The following RSBN1L variants were observed in gnomAD, a reference collection of about 807,000 sequenced individuals.
RSBN1L encodes the protein lysine-specific demethylase RSBN1L.
Under a neutral mutation model 67.7 loss-of-function variants are expected in RSBN1L, and 30 were observed. The observed-to-expected ratio is 0.44, with a 90% CI of 0.33 to 0.60. The LOEUF (loss-of-function observed/expected upper bound fraction) is 0.60, where lower values mean the gene tolerates loss of function less well. Among genes scored for constraint, RSBN1L ranks in the 20% least tolerant of loss-of-function variants. RSBN1L has a pLI of 0.02. For synonymous variants in RSBN1L, 433 were observed against 387.0 expected, an observed-to-expected ratio of 1.12 and a Z score of -1.39; for missense variants, 992 against 1,031.7, an observed-to-expected ratio of 0.96 and a Z score of 0.53.
Position 77,696,914 on chromosome 7 carries a change from G to C in RSBN1L, c.445G>C (p.Ala149Pro). The change falls in exon 1 of 8, where the codon GCC becomes CCC. Residue 149 changes from alanine (A) to proline (P), a missense_variant. By Grantham distance (27) the Ala-to-Pro change is conservative (BLOSUM62 -1). This residue lies in a region of RSBN1L where 575 missense variants were observed against 483.2 expected (regional missense o/e 1.19). Coordinates refer to ENST00000334955, the MANE Select transcript of RSBN1L (RefSeq NM_198467.3). ...CCATCTCCTCCTGCCCGCCGCCGCC[G>C]CCGCTGCCTCGGCTAACGCCAAGTC... ...PHHLLLPAAA[A>P]AASANAKSRR... is the part of the protein sequence containing the mutation. 1 of 1,603,756 alleles carries C rather than the reference G, an allele frequency of 6.2e-7. No individual in the cohort carries two copies. Among genetic ancestry groups the C allele is most frequent in the Non-Finnish European group, 8.5e-7 (1 of 1,179,464 alleles).
chr7:77,747,247 G>A (rs1024143983), intron 2 of RSBN1L, among the ~76,000 whole-genome samples: 1 of 152,202 alleles, frequency 6.6e-6, no homozygotes, highest in Non-Finnish European at 1.5e-5. Flanking sequence ...GTTCAAGCAG[G>A]CTGCAGAAAT....
intron 1 of RSBN1L, among the ~76,000 whole-genome samples, chr7:77,735,529 A>G (rs1209664827): frequency 6.6e-6 from 1 of 152,158 alleles, no homozygotes; most frequent in Non-Finnish European, 1.5e-5. Context: ...GGTAGTGTTT[A>G]TAGAAAGGAA....
chr7:77,740,414 A>G (rs1791392720), intron 2 of RSBN1L, among the ~76,000 whole-genome samples: 1 of 152,244 alleles, frequency 6.6e-6, no homozygotes, highest in Non-Finnish European at 1.5e-5. Context: ...GAGGGTTGAA[A>G]GAAGCCAGTG....
rs1194240409 is a variant in RSBN1L at position 77,741,010 on chromosome 7, G to A, written c.703+4484G>A. 4.3e-5 allele frequency among the ~76,000 whole-genome samples: 6 copies of A among 137,992 alleles called. 1 individual carries two copies. The highest frequency in any genetic ancestry group is 2.1e-4 in the East Asian group (1 of 4,832). The allele number at this position is 137,992 out of a possible 152,430, so 90.5% of individuals were successfully genotyped here. ...CTTTTTTTTTTTTTTTTTTTGAGAC[G>A]GAGTTTCACTGTGATACCCAGTCTG... On this transcript the variant is annotated intron_variant, in intron 2 of 7. Coordinates refer to ENST00000334955, the MANE Select transcript of RSBN1L (RefSeq NM_198467.3).
intron 1 of RSBN1L, among the ~76,000 whole-genome samples, chr7:77,702,993 G>A (rs780633107): frequency 1.3e-5 from 2 of 152,158 alleles, no homozygotes; most frequent in Non-Finnish European, 2.9e-5. Flanking sequence ...TCAACATATG[G>A]ATTTTGGGGA....
chr7:77,729,862 G>T (rs1419690594), intron 1 of RSBN1L, among the ~76,000 whole-genome samples: 1 of 152,142 alleles, frequency 6.6e-6, no homozygotes, highest in Non-Finnish European at 1.5e-5. Flanking sequence ...GCTTAGGTAG[G>T]AGGATCGCTT....
At chr7:77,747,716 G>C (rs575143138) in intron 2 of RSBN1L, among the ~76,000 whole-genome samples, 38 of 152,284 alleles carry the variant, frequency 2.5e-4, no homozygotes, top group African/African-American at 8.2e-4. Context: ...CTCTACTAGG[G>C]CAGTCACTTC....
intron 5 of RSBN1L, among the ~76,000 whole-genome samples, chr7:77,770,381 AAG>A (rs1388987440): frequency 1.3e-5 from 2 of 151,958 alleles, no homozygotes; most frequent in Non-Finnish European, 2.9e-5. Context: ...TTTCAAAAAA[AAG>A]AGTATAGTGA....
chr7:77,747,551 A>G (rs1001388614), intron 2 of RSBN1L, among the ~76,000 whole-genome samples: 1 of 152,174 alleles, frequency 6.6e-6, no homozygotes, highest in Admixed American at 6.5e-5. Flanking sequence ...GCCAGCCATA[A>G]GTCTTGGTGG....
At chr7:77,720,297 G>A (rs568012480) in intron 1 of RSBN1L, among the ~76,000 whole-genome samples, 10 of 152,028 alleles carry the variant, frequency 6.6e-5, no homozygotes, top group African/African-American at 1.9e-4. Flanking sequence ...GTGGTGGCTC[G>A]TGCCTATAAT....
intron 1 of RSBN1L, among the ~76,000 whole-genome samples, chr7:77,733,865 G>A (rs550362496): frequency 1.8e-4 from 28 of 152,326 alleles, no homozygotes; most frequent in African/African-American, 6.7e-4. Flanking sequence ...GGTGGCTCAC[G>A]CCTGTAATCC....
chr7:77,772,995 T>C (rs1217161526), intron 5 of RSBN1L, 152 bp from the exon 6 acceptor site: 2 of 493,178 alleles, frequency 4.1e-6, no homozygotes, highest in Non-Finnish European at 3.6e-6. Flanking sequence ...GGGTATCGTA[T>C]TTGTGTTTTT....
At chr7:77,722,820 T>G (rs1191869589) in intron 1 of RSBN1L, among the ~76,000 whole-genome samples, 2 of 152,004 alleles carry the variant, frequency 1.3e-5, no homozygotes, top group Non-Finnish European at 2.9e-5. Flanking sequence ...TTTCATGGAC[T>G]GCGTTATTAT....
intron 1 of RSBN1L, among the ~76,000 whole-genome samples, chr7:77,698,176 T>G (rs577369318): frequency 2.8e-4 from 42 of 152,370 alleles, no homozygotes; most frequent in Middle Eastern, 3.4e-3. Flanking sequence ...AGCAATAGTG[T>G]CACTTCTTCC....
intron 1 of RSBN1L, among the ~76,000 whole-genome samples, chr7:77,707,164 C>G (rs1790904750): frequency 1.3e-5 from 2 of 151,898 alleles, no homozygotes; most frequent in African/African-American, 4.8e-5. Context: ...GCTGGACTTA[C>G]AGTTGTGTGC....
intron 4 of RSBN1L, among the ~76,000 whole-genome samples, chr7:77,767,041 TCCCTTCCCCTTC>T (rs1198520132): frequency 1.5e-5 from 2 of 137,628 alleles, no homozygotes; most frequent in Non-Finnish European, 3.1e-5. Flanking sequence ...CCTTTCCCCT[TCCCTTCCCCTTC>T]CCCTTCCCTT....
At chr7:77,757,720 T>C (rs181547615) in intron 3 of RSBN1L, among the ~76,000 whole-genome samples, 44 of 152,338 alleles carry the variant, frequency 2.9e-4, no homozygotes, top group African/African-American at 9.6e-4. Context: ...CTTATATGGT[T>C]GGTGGTTGAT....
At chr7:77,759,067 C>T (rs1791661830) in intron 3 of RSBN1L, among the ~76,000 whole-genome samples, 2 of 152,240 alleles carry the variant, frequency 1.3e-5, no homozygotes, top group South Asian at 4.1e-4. Context: ...AATAATGAAA[C>T]TTATTAAATC....
chr7:77,731,748 T>C (rs1791274923), intron 1 of RSBN1L, among the ~76,000 whole-genome samples: 1 of 152,132 alleles, frequency 6.6e-6, no homozygotes, highest in Non-Finnish European at 1.5e-5. Context: ...CTATTGTGCC[T>C]TTGGTGCTGA....
Sources: gnomAD v4.1 joint callset for allele counts (sites outside exome capture counted in the v4.1 genomes callset) on GRCh38, gnomAD v4.1.1 for gene constraint, gnomAD v4.1.1 regional missense constraint, MANE v1.5 for transcripts, NCBI Gene and HGNC (gene_info 2026-07-23, HGNC 2026-07-21) for gene names.